Variants in FSTL4 observed in about 807,000 individuals in gnomAD.
FSTL4 encodes follistatin-related protein 4.
FSTL4 carries 28 observed loss-of-function variants against 78.2 expected under a neutral mutation model. That is an observed-to-expected ratio of 0.36 (90% confidence interval 0.27 to 0.49). The LOEUF (loss-of-function observed/expected upper bound fraction) is 0.49. FSTL4 is among the 20% of genes least tolerant of loss of function. FSTL4 has a pLI of 0.98. For missense variants in FSTL4, 922 were observed against 1,084.9 expected, an observed-to-expected ratio of 0.85 and a Z score of 2.11; for synonymous variants, 422 against 440.5, an observed-to-expected ratio of 0.96 and a Z score of 0.53.
the FSTL4 span, among the ~76,000 whole-genome samples, chr5:133,757,531 C>A: frequency 1.3e-5 from 2 of 152,118 alleles, no homozygotes; most frequent in East Asian, 3.9e-4. Context: ...TAGCTAAATG[C>A]TAAGAAAACA....
At chr5:133,669,638 ATGC>A in the FSTL4 span, among the ~76,000 whole-genome samples, 1 of 152,178 alleles carries the variant, frequency 6.6e-6, no homozygotes, top group East Asian at 1.9e-4. Context: ...CTAGCAAAGG[ATGC>A]TGCTATTACG....
At chr5:133,303,414 G>A (rs1016001872) in intron 6 of FSTL4, among the ~76,000 whole-genome samples, 1 of 152,210 alleles carries the variant, frequency 6.6e-6, no homozygotes, top group Non-Finnish European at 1.5e-5. Context: ...AGTAGCTCAG[G>A]TGTCCAATGC....
At chr5:133,221,891 G>GTTGTTTTTTTTTT in intron 11 of FSTL4, among the ~76,000 whole-genome samples, 1 of 43,360 alleles carries the variant, frequency 2.3e-5, no homozygotes, top group Middle Eastern at 0.013. Flanking sequence ...CTCTTTTCTA[G>GTTGTTTTTTTTTT]TTTTTTTTTT....
intron 6 of FSTL4, among the ~76,000 whole-genome samples, chr5:133,294,346 C>T (rs919321388): frequency 2.6e-5 from 4 of 152,174 alleles, no homozygotes; most frequent in African/African-American, 7.2e-5. Context: ...TCTACCACCA[C>T]GTGCAACTTT....
intron 3 of FSTL4, among the ~76,000 whole-genome samples, chr5:133,432,487 G>A (rs897294451): frequency 4.6e-5 from 7 of 152,198 alleles, no homozygotes; most frequent in Non-Finnish European, 1.0e-4. Flanking sequence ...CCTACCTTGT[G>A]GGGGTGGTGT....
chr5:133,417,958 TAAAA>T (rs527415337), intron 3 of FSTL4, among the ~76,000 whole-genome samples: 1 of 51,144 alleles, frequency 2.0e-5, no homozygotes, highest in Admixed American at 2.0e-4. Context: ...GACTCCATCT[TAAAA>T]AAAAAAAAAA....
chr5:133,557,272 T>TC (rs961110803), intron 3 of FSTL4, among the ~76,000 whole-genome samples: 21 of 152,260 alleles, frequency 1.4e-4, no homozygotes, highest in African/African-American at 4.8e-4. Flanking sequence ...AGAGAGCACC[T>TC]CCCCCCTGAA....
intron 3 of FSTL4, among the ~76,000 whole-genome samples, chr5:133,449,335 A>T (rs1191436100): frequency 6.6e-6 from 1 of 152,164 alleles, no homozygotes; most frequent in Non-Finnish European, 1.5e-5. Context: ...TCTCAACCCC[A>T]TCATGTGGAG....
chr5:133,550,144 G>C (rs1448368850), intron 3 of FSTL4, among the ~76,000 whole-genome samples: 3 of 152,192 alleles, frequency 2.0e-5, no homozygotes, highest in African/African-American at 7.2e-5. Context: ...TGAATCTTTA[G>C]TTCCTGCTTT....
chr5:133,284,193 G>A (rs1205316294), intron 6 of FSTL4, among the ~76,000 whole-genome samples: 1 of 152,228 alleles, frequency 6.6e-6, no homozygotes, highest in African/African-American at 2.4e-5. Flanking sequence ...GCCCAGCACT[G>A]TCCCTTCTCT....
At chr5:133,755,674 C>T in the FSTL4 span, among the ~76,000 whole-genome samples, 2 of 152,326 alleles carry the variant, frequency 1.3e-5, no homozygotes, top group South Asian at 4.1e-4. Flanking sequence ...AAGCACCCTT[C>T]TCCATGTAGA....
At chr5:133,719,256 G>A in the FSTL4 span, among the ~76,000 whole-genome samples, 1 of 152,086 alleles carries the variant, frequency 6.6e-6, no homozygotes, top group East Asian at 1.9e-4. Context: ...TTCTGTAAAG[G>A]ATCCCTTAAA....
the FSTL4 span, among the ~76,000 whole-genome samples, chr5:133,785,979 G>C: frequency 6.6e-6 from 1 of 152,136 alleles, no homozygotes; most frequent in Non-Finnish European, 1.5e-5. Flanking sequence ...GGGGATTTTT[G>C]AGGACCCTGA....
chr5:133,524,997 T>C (rs1759060744), intron 3 of FSTL4, among the ~76,000 whole-genome samples: 1 of 152,172 alleles, frequency 6.6e-6, no homozygotes, highest in Admixed American at 6.5e-5. Context: ...CACCACTAAC[T>C]TCATGGATCA....
chr5:133,525,009 A>T (rs1051608738), intron 3 of FSTL4, among the ~76,000 whole-genome samples: 1 of 152,192 alleles, frequency 6.6e-6, no homozygotes, highest in Non-Finnish European at 1.5e-5. Context: ...CATGGATCAG[A>T]AAGTCCTCTG....
the FSTL4 span, among the ~76,000 whole-genome samples, chr5:133,630,602 C>G: frequency 1.3e-5 from 2 of 152,178 alleles, no homozygotes; most frequent in Non-Finnish European, 2.9e-5. Flanking sequence ...CTATTCCCAT[C>G]AAGCTACCAC....
chr5:133,405,159 C>A (rs1756327793), intron 3 of FSTL4, among the ~76,000 whole-genome samples: 1 of 152,246 alleles, frequency 6.6e-6, no homozygotes, highest in Non-Finnish European at 1.5e-5. Context: ...TGAAGGCTGT[C>A]AGTGCCCCCA....
chr5:133,541,267 T>C (rs1759466985), intron 3 of FSTL4, among the ~76,000 whole-genome samples: 1 of 152,234 alleles, frequency 6.6e-6, no homozygotes, highest in South Asian at 2.1e-4. Context: ...TGTCAGATGG[T>C]AGCTGAAGCT....
chr5:133,298,294 T>A (rs142739752), intron 6 of FSTL4, among the ~76,000 whole-genome samples: 7 of 152,230 alleles, frequency 4.6e-5, no homozygotes, highest in African/African-American at 1.7e-4. Flanking sequence ...CTGCAACACA[T>A]GGTGAGCCCT....
Sources: gnomAD v4.1 joint callset for allele counts (sites outside exome capture counted in the v4.1 genomes callset) on GRCh38, gnomAD v4.1.1 for gene constraint, MANE v1.5 for transcripts, NCBI Gene and HGNC (gene_info 2026-07-23, HGNC 2026-07-21) for gene names.